Variants in MDN1 observed in about 807,000 individuals in gnomAD.
The protein encoded by MDN1 is midasin.
In MDN1, 266 loss-of-function variants were observed where a neutral mutation model predicts 669.2. That is an observed-to-expected ratio of 0.40 (90% CI 0.36 to 0.44). MDN1 has a LOEUF of 0.44. Among genes scored for constraint, MDN1 ranks in the 20% least tolerant of loss-of-function variants. The pLI, the probability that MDN1 is intolerant of heterozygous loss-of-function variation, is 1.00. For missense variants in MDN1, 5,940 were observed against 6,754.0 expected, an observed-to-expected ratio of 0.88 and a Z score of 4.22; for synonymous variants, 2,385 against 2,457.1, an observed-to-expected ratio of 0.97 and a Z score of 0.87.
chr6:89,685,828 C>G lies in MDN1; in HGVS notation c.11718G>C (p.Lys3906Asn). Residue 3906 changes from lysine (K) to asparagine (N), a missense_variant and splice_region_variant, in exon 70 of 102, where the codon AAG (lysine) becomes AAC (asparagine). Physicochemically the swap from Lys to Asn is moderately conservative, Grantham distance 94. Transcript: ENST00000369393. ...HVLLMPQVEG[K>N]DSLCSVLWNL... ...AGGAAAGGAAAAAAAAATCCTCACCCTTTCCTTCAACCTGTGGCATCAGCA... is the reference window on the plus strand; with the variant it reads ...AGGAAAGGAAAAAAAAATCCTCACCGTTTCCTTCAACCTGTGGCATCAGCA... 6.2e-7 allele frequency: 1 copy of G among 1,611,956 alleles called. No homozygotes were observed. Among genetic ancestry groups the G allele is most frequent in the Non-Finnish European group, 8.5e-7 (1 of 1,179,614 alleles).
chr6:89,645,983 T>C (rs957204198), intron 100 of MDN1, among the ~76,000 whole-genome samples: 1 of 152,196 alleles, frequency 6.6e-6, no homozygotes, highest in African/African-American at 2.4e-5. Flanking sequence ...TATTAAAATA[T>C]TAGAGAATAC....
At chr6:89,780,041 T>TG (rs1168098162) in intron 11 of MDN1, among the ~76,000 whole-genome samples, 171 bp downstream of exon 11, 1 of 148,864 alleles carries the variant, frequency 6.7e-6, no homozygotes, top group East Asian at 2.0e-4. Context: ...ACTCCAGCCT[T>TG]GGGGACAAGA....
intron 13 of MDN1, among the ~76,000 whole-genome samples, chr6:89,773,087 C>G (rs1818187104): frequency 6.6e-6 from 1 of 152,146 alleles, no homozygotes; most frequent in African/African-American, 2.4e-5. Context: ...AATAATCTTT[C>G]CCCAAACTCA....
intron 37 of MDN1, among the ~76,000 whole-genome samples, chr6:89,725,959 ACACACACACG>A (rs1430168293): frequency 1.4e-5 from 2 of 147,644 alleles, no homozygotes; most frequent in African/African-American, 2.5e-5. Flanking sequence ...ACACACACAC[ACACACACACG>A]TATATATACA....
rs761245342 is a variant in MDN1 at position 89,689,886 on chromosome 6, G to C, written c.11007C>G (p.His3669Gln). The C allele has an allele frequency of 1.6e-5, 26 of 1,613,982 alleles. 1 individual carries two copies. The South Asian group carries it at 2.7e-4, about 17-fold the overall frequency. The change falls in exon 65 of 102, where the codon CAC becomes CAG. Residue 3669 changes from histidine to glutamine, a missense_variant. By Grantham distance (24) the His-to-Gln change is conservative. This residue lies in a region of MDN1 where 2,280 missense variants were observed against 2,576.3 expected (regional missense o/e 0.88). Transcript: ENST00000369393. Reference sequence around the variant, plus strand: ...CTACCATACCCATCAGGGGGTAGAAGTGTGTCACAAGCGATGCCCCAGTCT... The same window carrying C: ...CTACCATACCCATCAGGGGGTAGAACTGTGTCACAAGCGATGCCCCAGTCT... ...CYQTGASLVT[H>Q]FYPLMGVELN...
intron 97 of MDN1, among the ~76,000 whole-genome samples, chr6:89,648,813 C>CAAAAAAAAAAAA (rs61330666): frequency 8.2e-6 from 1 of 122,130 alleles, no homozygotes; most frequent in African/African-American, 3.2e-5. Flanking sequence ...ACCCTGTCTT[C>CAAAAAAAAAAAA]AAAAAAAAAA....
At chr6:89,683,957 G>A in intron 71 of MDN1, 53 bp from the exon 72 acceptor site, 9 of 1,350,218 alleles carry the variant, frequency 6.7e-6, no homozygotes, top group South Asian at 1.2e-5. Context: ...GTGTCATTCT[G>A]TTTCTTTCTA....
At chr6:89,751,403 C>T (rs749172001) in intron 23 of MDN1, 28 bp downstream of exon 23, 32 of 1,613,480 alleles carry the variant, frequency 2.0e-5, no homozygotes, top group South Asian at 1.6e-4. Flanking sequence ...GTATCAAGTT[C>T]GGGGCAGCGA....
intron 33 of MDN1, among the ~76,000 whole-genome samples, chr6:89,734,691 A>AAACGAG (rs1554188774): frequency 2.7e-5 from 3 of 112,986 alleles, no homozygotes; most frequent in Non-Finnish European, 5.0e-5. Flanking sequence ...AAAAAAAAAC[A>AAACGAG]AGAGAGAGAG....
Position 89,661,471 on chromosome 6 carries a change from G to T in MDN1, c.14673C>A (p.Asp4891Glu). The T allele has an allele frequency of 6.2e-7, 1 of 1,614,060 alleles. No homozygotes were observed. The highest frequency in any genetic ancestry group is 8.5e-7 in the Non-Finnish European group (1 of 1,179,992). Residue 4891 changes from aspartate to glutamate, a missense_variant, in exon 88 of 102, where the codon GAC becomes GAA. Physicochemically the swap from Asp to Glu is conservative, Grantham distance 45. Coordinates refer to ENST00000369393, the MANE Select transcript of MDN1 (RefSeq NM_014611.3). ...TGTCGGTGTCCTCACCACCATTCTT[G>T]TCTTCACTGTCGAGGTTCAAGTCAT... is the stretch of plus-strand genomic sequence containing the variant. ...LPDDLNLDSEDKNGGEDTDNE... is the reference protein window; with the variant it reads ...LPDDLNLDSEEKNGGEDTDNE...
chr6:89,645,413 A>G (rs1808431950), intron 100 of MDN1, among the ~76,000 whole-genome samples: 1 of 152,220 alleles, frequency 6.6e-6, no homozygotes, highest in East Asian at 1.9e-4. Context: ...GAATTTCTCA[A>G]TAGTGCTTCA....
At chr6:89,698,027 C>A (rs1171949984) in intron 59 of MDN1, among the ~76,000 whole-genome samples, 1 of 152,080 alleles carries the variant, frequency 6.6e-6, no homozygotes, top group Non-Finnish European at 1.5e-5. Flanking sequence ...ATGACAGAAA[C>A]AATTGAAAAT....
intron 11 of MDN1, among the ~76,000 whole-genome samples, chr6:89,779,561 A>G (rs1260992317): frequency 1.3e-5 from 2 of 152,228 alleles, no homozygotes; most frequent in African/African-American, 4.8e-5. Flanking sequence ...CAAATTTATC[A>G]AACAGACTAA....
chr6:89,804,903 G>A (rs1251218271), intron 1 of MDN1, among the ~76,000 whole-genome samples: 1 of 152,008 alleles, frequency 6.6e-6, no homozygotes, highest in Non-Finnish European at 1.5e-5. Flanking sequence ...GGGCGAGGTG[G>A]CAGGCGCCTG....
chr6:89,754,041 A>G, intron 21 of MDN1, 42 bp downstream of exon 21: 4 of 1,590,750 alleles, frequency 2.5e-6, no homozygotes, highest in Non-Finnish European at 3.4e-6. Flanking sequence ...CCATGAACCC[A>G]TCCATTAAGC....
chr6:89,763,245 C>T (rs1008996321), intron 15 of MDN1, among the ~76,000 whole-genome samples: 3 of 150,960 alleles, frequency 2.0e-5, no homozygotes, highest in Admixed American at 6.6e-5. Context: ...TAAACACAGC[C>T]CACACATTAT....
At chr6:89,730,947 T>C (rs759761796) in intron 34 of MDN1, 24 bp from the exon 35 acceptor site, 3 of 1,606,514 alleles carry the variant, frequency 1.9e-6, no homozygotes, top group Admixed American at 1.7e-5. Context: ...GATCAGTCCA[T>C]GAAGCAACAG....
At chr6:89,753,978 G>C (rs1033774510) in intron 21 of MDN1, 105 bp downstream of exon 21, 10 of 1,225,038 alleles carry the variant, frequency 8.2e-6, no homozygotes, top group African/African-American at 1.5e-5. Flanking sequence ...GGGCTGATCT[G>C]ACTAACTGGA....
chr6:89,803,570 CAA>C lies in MDN1; in HGVS notation c.103-18_103-17del. ...GTGTCCACACCTGAGAAAGGCAAAA[CAA>C]AACATCTTTCACTTTTTTTTTTTTT... On this transcript the variant is annotated splice_polypyrimidine_tract_variant and intron_variant, in intron 1 of 101. Transcript: ENST00000369393. 1 of 1,524,226 alleles carries C rather than the reference CAA, an allele frequency of 6.6e-7. No homozygotes were observed. Among genetic ancestry groups the C allele is most frequent in the Non-Finnish European group, 9.0e-7 (1 of 1,109,588 alleles). 94.4% of individuals were successfully genotyped at this position (1,524,226 alleles called of 1,614,324 possible). A position where few individuals can be genotyped will look rare whatever the true frequency, so the allele number is the denominator to read the frequency against.
Sources: allele counts gnomAD v4.1 joint callset (sites outside exome capture counted in the v4.1 genomes callset), GRCh38; gene constraint gnomAD v4.1.1; regional missense constraint gnomAD v4.1.1; transcripts MANE v1.5; gene names NCBI Gene and HGNC (gene_info 2026-07-23, HGNC 2026-07-21).